PACRGL: variants seen among roughly 807,000 people sequenced by gnomAD.
PACRGL encodes PACRG-like protein.
In PACRGL, 38 loss-of-function variants were observed where a neutral mutation model predicts 34.5. The observed-to-expected ratio is 1.10, with a 90% CI of 0.85 to 1.44. The LOEUF (loss-of-function observed/expected upper bound fraction) is 1.44, where lower values mean the gene tolerates loss of function less well. Among genes scored for constraint, PACRGL ranks in the 40% most tolerant of loss-of-function variants. PACRGL has a pLI of 0.00. For missense variants in PACRGL, 305 were observed against 281.4 expected (o/e 1.08, Z -0.60); for synonymous variants, 128 against 100.1 (o/e 1.28, Z -1.66).
At chr4:20,757,265 A>G (rs1193245441), downstream of PACRGL, among the ~76,000 whole-genome samples, 1 of 151,990 alleles carries the variant, frequency 6.6e-6, no homozygotes, top group African/African-American at 2.4e-5. Flanking sequence ...ATTTTCTCCT[A>G]TGCATATACT....
intron 5 of PACRGL, among the ~76,000 whole-genome samples, chr4:20,710,127 G>A (rs1486307881): frequency 6.6e-6 from 1 of 152,172 alleles, no homozygotes; most frequent in African/African-American, 2.4e-5. Flanking sequence ...CTGTCAGATA[G>A]TGGTAAGTGG....
At chr4:20,705,681 C>T (rs1734193023) in intron 3 of PACRGL, among the ~76,000 whole-genome samples, 1 of 151,874 alleles carries the variant, frequency 6.6e-6, no homozygotes. Flanking sequence ...CAATTTTCTT[C>T]CTCTCTTTAA....
chr4:20,712,961 A>C, intron 6 of PACRGL, 39 bp downstream of exon 6: 6 of 1,453,408 alleles, frequency 4.1e-6, no homozygotes, highest in Non-Finnish European at 5.5e-6. Context: ...ATTTGAAAAC[A>C]TGATAGAAAA....
Position 20,704,551 on chromosome 4 carries a change from T to C in PACRGL, c.52+18T>C. On this transcript the variant is annotated intron_variant, in intron 2 of 8. Transcript: ENST00000503585. ...AGCAACAGGTACAGAGCTTTTGTTT[T>C]TAAGTGAAGAGGTCAAGTTTGTTCA... 6.2e-7 allele frequency: 1 copy of C among 1,613,752 alleles called. No homozygotes were observed. Among genetic ancestry groups the C allele is most frequent in the Non-Finnish European group, 8.5e-7 (1 of 1,179,864 alleles).
rs541347685 is a variant in PACRGL, at chr4:20,745,368, T to A, written c.*57-7197T>A. Among the ~76,000 whole-genome samples, 100 of 152,322 alleles carry A rather than the reference T, an allele frequency of 6.6e-4. 2 individuals are homozygous for A. Among genetic ancestry groups the A allele is most frequent in the African/African-American group, 2.1e-3 (88 of 41,568 alleles). ...GCTATGGTCTTAGAGCACCTCTCTC[T>A]TTTTATCCTGTGGGATGATATCAGT... On this transcript the variant is annotated intron_variant, in intron 8 of 8. Transcript: ENST00000507634.
At chr4:20,707,127 CTT>C (rs1289926562) in intron 3 of PACRGL, among the ~76,000 whole-genome samples, 1 of 152,064 alleles carries the variant, frequency 6.6e-6, no homozygotes, top group African/African-American at 2.4e-5. Flanking sequence ...AAAATATTTA[CTT>C]TTTGTTCCTA....
chr4:20,759,021 A>G, the PACRGL span: 200,044 of 632,904 alleles, frequency 0.32, 33,390 homozygotes, highest in African/African-American at 0.45. Context: ...CCATTATTAC[A>G]AAGGGAATAA....
chr4:20,757,434 C>CT (rs1246413924), downstream of PACRGL, among the ~76,000 whole-genome samples: 2 of 152,248 alleles, frequency 1.3e-5, no homozygotes, highest in East Asian at 3.9e-4. Context: ...CCCACTTAAA[C>CT]TTATCAGTGG....
Position 20,725,227 on chromosome 4 carries a change from C to T in PACRGL, c.690+339C>T, listed in dbSNP as rs192547038. Among the ~76,000 whole-genome samples the T allele has an allele frequency of 2.8e-3, 430 of 152,148 alleles. 4 individuals are homozygous for T. The highest frequency in any genetic ancestry group is 0.01 in the African/African-American group (420 of 41,510). On this transcript the variant is annotated intron_variant, in intron 8 of 8. Coordinates refer to ENST00000503585, the MANE Select transcript of PACRGL (RefSeq NM_001258345.3). ...TTGACCATCGAAAAGTTCAGAAAAC[C>T]GAACGATTAACTTAGCTCTTTGAGG... is the stretch of plus-strand genomic sequence containing the variant.
chr4:20,714,778 G>T (rs991702932), intron 7 of PACRGL, among the ~76,000 whole-genome samples: 6 of 152,104 alleles, frequency 3.9e-5, no homozygotes, highest in African/African-American at 1.4e-4. Context: ...GAAACAACAG[G>T]TGTTGGAGAG....
intron 5 of PACRGL, among the ~76,000 whole-genome samples, chr4:20,710,110 C>T (rs567283380): frequency 5.3e-5 from 8 of 152,248 alleles, no homozygotes; most frequent in Non-Finnish European, 1.2e-4. Flanking sequence ...AGGGATTAAA[C>T]TGAAAACTGT....
At chr4:20,718,502 C>T (rs956558158) in intron 7 of PACRGL, among the ~76,000 whole-genome samples, 30 of 152,076 alleles carry the variant, frequency 2.0e-4, no homozygotes, top group African/African-American at 7.0e-4. Flanking sequence ...TGAGATACGT[C>T]CCATCAATAC....
chr4:20,701,723 G>T (rs1732243180), intron 1 of PACRGL: 1 of 372,162 alleles, frequency 2.7e-6, no homozygotes, highest in Non-Finnish European at 5.4e-6. Context: ...GGTGTCCGTG[G>T]AGAATTGGCT....
chr4:20,730,119 A>ATGTT lies in PACRGL; in HGVS notation c.*2780_*2783dup. ...TTCAAAGAGCTGCATGGAGCGCATT[A>ATGTT]TGTTTTCATCCTGTAAGGGAGAAAC... On this transcript the variant is annotated 3_prime_UTR_variant, in exon 9 of 9. Transcript: ENST00000503585. The ATGTT allele has an allele frequency of 6.2e-7, 1 of 1,608,406 alleles. No homozygotes were observed. Among genetic ancestry groups the ATGTT allele is most frequent in the Non-Finnish European group, 8.5e-7 (1 of 1,178,090 alleles).
At position 20,724,961 on chromosome 4, in the gene PACRGL, A is replaced by G. The variant is rs1048929637; in HGVS notation, c.690+73A>G. 7.6e-6 allele frequency: 6 copies of G among 788,374 alleles called. No individual in the cohort carries two copies. In the African/African-American group the frequency reaches 1.1e-4, roughly 14 times the overall value. The allele number at this position is 788,374 out of a possible 1,614,324, so 48.8% of individuals were successfully genotyped here. Reference sequence around the variant, plus strand: ...TATTACTAAATTGACATATATATATATTTAACATATACTATCTCATTTCAG... The same window carrying G: ...TATTACTAAATTGACATATATATATGTTTAACATATACTATCTCATTTCAG... On this transcript the variant is annotated intron_variant, in intron 8 of 8. Coordinates refer to ENST00000503585, the MANE Select transcript of PACRGL (RefSeq NM_001258345.3).
At chr4:20,732,813 G>T, downstream of PACRGL, 1 of 1,314,864 alleles carries the variant, frequency 7.6e-7, no homozygotes, top group Non-Finnish European at 1.1e-6. Flanking sequence ...CTCACGTGAG[G>T]CTGCACACAT....
rs1444405107 is a variant in PACRGL at position 20,729,429 on chromosome 4, A to AAAAT, written c.*2091_*2094dup. On this transcript the variant is annotated 3_prime_UTR_variant, in exon 9 of 9. Coordinates refer to ENST00000503585, the MANE Select transcript of PACRGL (RefSeq NM_001258345.3). ...TATTATGGAAAATTAAATGCTTATT[A>AAAAT]AAATAAGTTTTATTAGGCATATGCT... 6.6e-6 allele frequency: 1 copy of AAAAT among 151,814 alleles called. No individual in the cohort carries two copies. Among genetic ancestry groups the AAAAT allele is most frequent in the African/African-American group, 2.4e-5 (1 of 41,350 alleles). 9.4% of individuals were successfully genotyped at this position (151,814 alleles called of 1,614,324 possible).
chr4:20,747,366 C>T (rs1316737826), intron 8 of PACRGL, among the ~76,000 whole-genome samples: 1 of 152,138 alleles, frequency 6.6e-6, no homozygotes, highest in Non-Finnish European at 1.5e-5. Flanking sequence ...TTAGGTAAAA[C>T]CTTTGGCTTC....
intron 8 of PACRGL, among the ~76,000 whole-genome samples, chr4:20,738,655 T>G (rs1441964860): frequency 6.6e-6 from 1 of 152,220 alleles, no homozygotes; most frequent in African/African-American, 2.4e-5. Context: ...ACAGCTCCAG[T>G]CTACAGCTCC....
Sources: allele counts gnomAD v4.1 joint callset (sites outside exome capture counted in the v4.1 genomes callset), GRCh38; gene constraint gnomAD v4.1.1; transcripts MANE v1.5; gene names NCBI Gene and HGNC (gene_info 2026-07-23, HGNC 2026-07-21).